SNTG1: variants seen among roughly 807,000 people sequenced by gnomAD.
SNTG1 encodes gamma-1-syntrophin.
SNTG1 carries 39 observed loss-of-function variants against 74.7 expected under a neutral mutation model. The ratio of observed to expected loss-of-function variants is 0.52; its 90% CI spans 0.40 to 0.68. The LOEUF (loss-of-function observed/expected upper bound fraction) is 0.68. Among genes scored for constraint, SNTG1 ranks in the 30% least tolerant of loss-of-function variants. The probability of loss-of-function intolerance (pLI) is 0.00; values close to 1 mark genes in which losing one functional copy is unlikely to be tolerated. For missense variants in SNTG1, 685 were observed against 609.5 expected (o/e 1.12, Z -1.30); for synonymous variants, 254 against 217.1 (o/e 1.17, Z -1.49).
At chr8:50,278,238 T>C (rs553222244) in intron 2 of SNTG1, among the ~76,000 whole-genome samples, 3 of 152,302 alleles carry the variant, frequency 2.0e-5, no homozygotes, top group Admixed American at 6.5e-5. Context: ...TTTTTCTTTC[T>C]CTATAATTTT....
intron 1 of SNTG1, among the ~76,000 whole-genome samples, chr8:50,093,999 T>A (rs765324518): frequency 6.6e-6 from 1 of 152,160 alleles, no homozygotes; most frequent in Non-Finnish European, 1.5e-5. Flanking sequence ...TCTGTCTATG[T>A]GTTTGGTTTT....
At chr8:50,135,040 G>T (rs1434463909) in intron 1 of SNTG1, among the ~76,000 whole-genome samples, 2 of 152,070 alleles carry the variant, frequency 1.3e-5, no homozygotes, top group South Asian at 4.2e-4. Flanking sequence ...ATGTCAACCC[G>T]GTAGTTGGCC....
intron 13 of SNTG1, among the ~76,000 whole-genome samples, chr8:50,622,483 T>C (rs1334882825): frequency 6.6e-6 from 1 of 152,178 alleles, no homozygotes; most frequent in East Asian, 1.9e-4. Context: ...GATATGTATT[T>C]TGTCCTTGGG....
chr8:50,145,144 G>T (rs1308739448), intron 1 of SNTG1, among the ~76,000 whole-genome samples: 3 of 152,172 alleles, frequency 2.0e-5, no homozygotes, highest in African/African-American at 7.2e-5. Flanking sequence ...CAGTGGCAGA[G>T]CCCTGGCCAC....
intron 15 of SNTG1, among the ~76,000 whole-genome samples, chr8:50,670,589 A>G (rs567785055): frequency 3.4e-5 from 5 of 147,218 alleles, no homozygotes; most frequent in African/African-American, 1.3e-4. Flanking sequence ...GGTAGGAAGA[A>G]TCAATATCAT....
chr8:50,369,629 A>C (rs2131138473), intron 2 of SNTG1, among the ~76,000 whole-genome samples: 1 of 151,980 alleles, frequency 6.6e-6, no homozygotes, highest in Admixed American at 6.5e-5. Context: ...AGAAACAGAA[A>C]CCAGAGCTAG....
At chr8:50,549,837 A>G (rs1265715700) in intron 11 of SNTG1, among the ~76,000 whole-genome samples, 1 of 152,104 alleles carries the variant, frequency 6.6e-6, no homozygotes, top group Middle Eastern at 3.2e-3. Context: ...TGTTTAGCCC[A>G]ATAGGGTGGA....
chr8:50,433,979 T>C (rs1285963122), intron 4 of SNTG1, among the ~76,000 whole-genome samples: 1 of 152,176 alleles, frequency 6.6e-6, no homozygotes, highest in Non-Finnish European at 1.5e-5. Context: ...CATGCTGGTG[T>C]GCTGCACTGA....
chr8:50,283,258 G>A (rs1414089986), intron 2 of SNTG1, among the ~76,000 whole-genome samples: 3 of 152,160 alleles, frequency 2.0e-5, no homozygotes, highest in Admixed American at 2.0e-4. Flanking sequence ...TTTTCCATGA[G>A]AGTTCAGGAA....
chr8:50,590,051 T>C (rs560066007), intron 12 of SNTG1, among the ~76,000 whole-genome samples: 2 of 152,290 alleles, frequency 1.3e-5, no homozygotes, highest in African/African-American at 4.8e-5. Context: ...TTTTTCTGTT[T>C]AAATGAACTG....
chr8:50,183,247 G>A (rs764504641), intron 2 of SNTG1, among the ~76,000 whole-genome samples: 1 of 152,080 alleles, frequency 6.6e-6, no homozygotes, highest in Non-Finnish European at 1.5e-5. Flanking sequence ...GTTTCTCTGC[G>A]CTATTTCTGT....
At chr8:50,224,852 A>C (rs2085247975) in intron 2 of SNTG1, among the ~76,000 whole-genome samples, 1 of 152,236 alleles carries the variant, frequency 6.6e-6, no homozygotes, top group South Asian at 2.1e-4. Flanking sequence ...TGTATTTTAA[A>C]ATGTTCCTGC....
At chr8:50,694,975 A>G (rs1487618017) in intron 15 of SNTG1, among the ~76,000 whole-genome samples, 1 of 151,966 alleles carries the variant, frequency 6.6e-6, no homozygotes, top group African/African-American at 2.4e-5. Context: ...AAAAGTCAAC[A>G]TTATTCTCAA....
chr8:50,600,754 C>A (rs2094767100), intron 13 of SNTG1, among the ~76,000 whole-genome samples: 2 of 151,514 alleles, frequency 1.3e-5, no homozygotes, highest in African/African-American at 2.4e-5. Context: ...ACTTTGTTAT[C>A]TTTTGTATTG....
chr8:49,917,824 C>T (rs1585492202), intron 1 of SNTG1, among the ~76,000 whole-genome samples: 1 of 152,154 alleles, frequency 6.6e-6, no homozygotes, highest in South Asian at 2.1e-4. Context: ...AGGAGGGAGG[C>T]TAGCCAGTGA....
At chr8:50,218,297 T>C (rs1489164544) in intron 2 of SNTG1, among the ~76,000 whole-genome samples, 3 of 151,998 alleles carry the variant, frequency 2.0e-5, no homozygotes, top group African/African-American at 7.3e-5. Flanking sequence ...GGGTTACGCT[T>C]TGCTTCCAAC....
intron 17 of SNTG1, among the ~76,000 whole-genome samples, chr8:50,712,380 T>A (rs1351645269): frequency 6.6e-6 from 1 of 152,132 alleles, no homozygotes; most frequent in Non-Finnish European, 1.5e-5. Context: ...AAAGAAATGA[T>A]CAGATGTGTG....
At chr8:50,568,754 A>G (rs945421197) in intron 12 of SNTG1, 1 of 152,088 alleles carries the variant, frequency 6.6e-6, no homozygotes, top group Admixed American at 6.6e-5. Flanking sequence ...TTGCAAATAC[A>G]TCTGTAGGTT....
chr8:50,341,269 C>A (rs889879675), intron 2 of SNTG1, among the ~76,000 whole-genome samples: 1 of 151,768 alleles, frequency 6.6e-6, no homozygotes, highest in African/African-American at 2.4e-5. Flanking sequence ...TTAAAATAGG[C>A]AATTAATATT....
Sources: allele counts gnomAD v4.1 joint callset (sites outside exome capture counted in the v4.1 genomes callset), GRCh38; gene constraint gnomAD v4.1.1; transcripts MANE v1.5; gene names NCBI Gene and HGNC (gene_info 2026-07-23, HGNC 2026-07-21).